SUB1: variants seen among roughly 807,000 people sequenced by gnomAD.
The protein encoded by SUB1 is activated RNA polymerase II transcriptional coactivator p15.
SUB1 carries 1 observed loss-of-function variant against 16.9 expected under a neutral mutation model. The ratio of observed to expected loss-of-function variants is 0.06; its 90% CI spans 0.02 to 0.28. The LOEUF (loss-of-function observed/expected upper bound fraction) is 0.28, where lower values mean the gene tolerates loss of function less well. Among genes scored for constraint, SUB1 ranks in the 10% least tolerant of loss-of-function variants. The pLI, the probability that SUB1 is intolerant of heterozygous loss-of-function variation, is 1.00. For synonymous variants in SUB1, 51 were observed against 46.9 expected (o/e 1.09, Z -0.36); for missense variants, 84 against 145.2 (o/e 0.58, Z 2.16).
At chr5:32,593,046 TC>T (rs1385351172) in intron 3 of SUB1, among the ~76,000 whole-genome samples, 1 of 152,084 alleles carries the variant, frequency 6.6e-6, no homozygotes, top group African/African-American at 2.4e-5. Context: ...GGGTCTCTGC[TC>T]TGTCACCCAG....
At chr5:32,599,371 T>C (rs538590010) in intron 4 of SUB1, among the ~76,000 whole-genome samples, 1 of 152,354 alleles carries the variant, frequency 6.6e-6, no homozygotes, top group Non-Finnish European at 1.5e-5. Flanking sequence ...TTAGGCACTA[T>C]CTGGGAACTT....
At chr5:32,598,027 A>G (rs1739020133) in intron 3 of SUB1, 2 of 152,120 alleles carry the variant, frequency 1.3e-5, no homozygotes, top group Admixed American at 6.6e-5. Context: ...TGCAGATTTC[A>G]GTCCGTGGTA....
In SUB1 at chr5:32,588,597, G is replaced by A. The variant is rs1738734677; in HGVS notation, c.72+13G>A. On this transcript the variant is annotated intron_variant, in intron 2 of 4. Coordinates refer to ENST00000265073, the MANE Select transcript of SUB1 (RefSeq NM_006713.4). ...GGTTGACAAAAAGGTGACTACTGCT[G>A]CACCAAGTCATTTTGGTGATACTCA... 1 of 1,610,476 alleles carries A rather than the reference G, an allele frequency of 6.2e-7. No homozygotes were observed. The highest frequency in any genetic ancestry group is 1.3e-5 in the African/African-American group (1 of 74,838).
chr5:32,591,491 G>T, intron 2 of SUB1, 72 bp from the exon 3 acceptor site: 3 of 1,482,550 alleles, frequency 2.0e-6, no homozygotes. Flanking sequence ...ATCTTAAAAA[G>T]TAATGGGATC....
Position 32,591,580 on chromosome 5 carries a change from A to G in SUB1, c.90A>G (p.Gln30=). 2 of 1,602,834 alleles carry G rather than the reference A, an allele frequency of 1.2e-6. No individual in the cohort carries two copies. Among genetic ancestry groups the G allele is most frequent in the Non-Finnish European group, 1.7e-6 (2 of 1,176,444 alleles). ...EVDKKLKRKK[Q]VAPEKPVKKQ... ...TTTTCTAGTTAAAGAGGAAAAAGCA[A>G]GTTGCTCCAGAAAAACCTGTAAAGA... The change falls in exon 3 of 5, where the codon CAA becomes CAG. Residue 30 remains glutamine (Q), a synonymous_variant. Coordinates refer to ENST00000265073, the MANE Select transcript of SUB1 (RefSeq NM_006713.4).
chr5:32,602,334 A>G lies in SUB1; in HGVS notation c.*1250A>G, dbSNP rs1386965103. ...AGTGAAGAGGAAATAATTCTCTTCTATCTAAATGATATACATATGATATTT... is the reference window on the plus strand; with the variant it reads ...AGTGAAGAGGAAATAATTCTCTTCTGTCTAAATGATATACATATGATATTT... On this transcript the variant is annotated 3_prime_UTR_variant, in exon 5 of 5. Transcript: ENST00000265073. 1.2e-5 allele frequency: 5 copies of G among 407,630 alleles called. No individual in the cohort carries two copies. Among genetic ancestry groups the G allele is most frequent in the African/African-American group, 6.2e-5 (3 of 48,344 alleles). The allele number at this position is 407,630 out of a possible 1,614,324, so 25.3% of individuals were successfully genotyped here.
At chr5:32,585,712 C>T (rs550440317) in intron 1 of SUB1, 87 bp downstream of exon 1, 6 of 152,558 alleles carry the variant, frequency 3.9e-5, no homozygotes, top group African/African-American at 1.4e-4. Flanking sequence ...CTCCACTCCT[C>T]TCGCCGGCAA....
At chr5:32,598,225 T>G (rs535526615) in intron 3 of SUB1, 1 of 152,254 alleles carries the variant, frequency 6.6e-6, no homozygotes, top group Non-Finnish European at 1.5e-5. Flanking sequence ...GCAGTTTTTT[T>G]CTTGTGATGT....
chr5:32,591,447 A>T lies in SUB1; in HGVS notation c.73-116A>T, dbSNP rs1008470525. On this transcript the variant is annotated intron_variant, in intron 2 of 4. Coordinates refer to ENST00000265073, the MANE Select transcript of SUB1 (RefSeq NM_006713.4). ...GTGAAACTTGCTTATGTATATATTTATGATATTTTGGATGTAGTCTTTTGA... is the reference window on the plus strand; with the variant it reads ...GTGAAACTTGCTTATGTATATATTTTTGATATTTTGGATGTAGTCTTTTGA... 31 of 1,349,166 alleles carry T rather than the reference A, an allele frequency of 2.3e-5. No individual in the cohort carries two copies. In the African/African-American group the frequency reaches 4.2e-4, roughly 18 times the overall value. The allele number at this position is 1,349,166 out of a possible 1,614,324, so 83.6% of individuals were successfully genotyped here.
intron 3 of SUB1, among the ~76,000 whole-genome samples, chr5:32,593,454 A>G (rs1226210598): frequency 6.6e-6 from 1 of 152,004 alleles, no homozygotes; most frequent in Non-Finnish European, 1.5e-5. Flanking sequence ...TTGCCTTGTT[A>G]TACTTCTAGG....
chr5:32,598,891 A>G, intron 3 of SUB1, 70 bp from the exon 4 acceptor site: 1 of 1,198,608 alleles, frequency 8.3e-7, no homozygotes, highest in Non-Finnish European at 1.2e-6. Context: ...CAAGTTGTGA[A>G]TATGAATACA....
In SUB1 at chr5:32,588,444, G is replaced by A. The variant is rs1024570887; in HGVS notation, c.-1-68G>A. On this transcript the variant is annotated intron_variant, in intron 1 of 4. Transcript: ENST00000265073. Reference sequence around the variant, plus strand: ...TTGTCCTTGATTTTTTTCTTTGATTGGGGGAGAGCTAAGTTGAAAGTAGTA... The same window carrying A: ...TTGTCCTTGATTTTTTTCTTTGATTAGGGGAGAGCTAAGTTGAAAGTAGTA... The A allele has an allele frequency of 5.1e-6, 7 of 1,379,926 alleles. No homozygotes were observed. The African/African-American group carries it at 7.3e-5, about 14-fold the overall frequency. The allele number at this position is 1,379,926 out of a possible 1,614,324, so 85.5% of individuals were successfully genotyped here.
In SUB1 at chr5:32,602,506, A is replaced by G. The variant is rs1739140321; in HGVS notation, c.*1422A>G. On this transcript the variant is annotated 3_prime_UTR_variant, in exon 5 of 5. Coordinates refer to ENST00000265073, the MANE Select transcript of SUB1 (RefSeq NM_006713.4). ...CTGCTATTAAGGTCTGCCATATTAGAGTTTTGCACTATTTTGCTACCAAGT... is the reference window on the plus strand; with the variant it reads ...CTGCTATTAAGGTCTGCCATATTAGGGTTTTGCACTATTTTGCTACCAAGT... The G allele has an allele frequency of 1.1e-5, 2 of 184,978 alleles. No homozygotes were observed. The highest frequency in any genetic ancestry group is 8.9e-5 in the South Asian group (1 of 11,278). The allele number at this position is 184,978 out of a possible 1,614,324, so 11.5% of individuals were successfully genotyped here. A position where few individuals can be genotyped will look rare whatever the true frequency, so the allele number is the denominator to read the frequency against.
chr5:32,590,493 G>GT (rs1738792066), intron 2 of SUB1, among the ~76,000 whole-genome samples: 1 of 150,286 alleles, frequency 6.7e-6, no homozygotes, highest in African/African-American at 2.4e-5. Context: ...TGTCTACAAT[G>GT]ATTTTTTTTT....
At chr5:32,592,775 G>T (rs1255178027) in intron 3 of SUB1, among the ~76,000 whole-genome samples, 1 of 152,104 alleles carries the variant, frequency 6.6e-6, no homozygotes, top group Non-Finnish European at 1.5e-5. Context: ...GTTCATGTGG[G>T]ATTATCAGCA....
rs1433357901 is a variant in SUB1 at position 32,603,404 on chromosome 5, C to G, written c.*2320C>G. ...TTACAATGCCAAAATGAATTTAATTCCAGTACTCAGGTTTTTCCCTTTAAC... is the reference window on the plus strand; with the variant it reads ...TTACAATGCCAAAATGAATTTAATTGCAGTACTCAGGTTTTTCCCTTTAAC... On this transcript the variant is annotated 3_prime_UTR_variant, in exon 5 of 5. Coordinates refer to ENST00000265073, the MANE Select transcript of SUB1 (RefSeq NM_006713.4). 6.6e-6 allele frequency: 1 copy of G among 151,982 alleles called. No individual in the cohort carries two copies. The highest frequency in any genetic ancestry group is 1.5e-5 in the Non-Finnish European group (1 of 67,976). The allele number at this position is 151,982 out of a possible 1,614,324, so 9.4% of individuals were successfully genotyped here.
rs1410326119 is a variant in SUB1, at chr5:32,601,695, T to A, written c.*611T>A. On this transcript the variant is annotated 3_prime_UTR_variant, in exon 5 of 5. Transcript: ENST00000265073. ...AAATGTTATCTCAATAAGATACTTATATGAGAACTACAATCACCGAATCTA... is the reference window on the plus strand; with the variant it reads ...AAATGTTATCTCAATAAGATACTTAAATGAGAACTACAATCACCGAATCTA... 1 of 153,140 alleles carries A rather than the reference T, an allele frequency of 6.5e-6. No homozygotes were observed. 9.5% of individuals were successfully genotyped at this position (153,140 alleles called of 1,614,324 possible). A position where few individuals can be genotyped will look rare whatever the true frequency, so the allele number is the denominator to read the frequency against.
intron 3 of SUB1, among the ~76,000 whole-genome samples, chr5:32,594,268 T>C (rs1001026553): frequency 6.6e-6 from 1 of 152,178 alleles, no homozygotes; most frequent in East Asian, 1.9e-4. Context: ...CTTTCTTCCA[T>C]AGGGATGTAG....
chr5:32,603,444 T>C lies in SUB1; in HGVS notation c.*2360T>C, dbSNP rs1014150534. ...TTCCCTTTAACAGACTCTATGTGTA[T>C]CAGGGCTTTCTAATGGGTTTTTCCT... On this transcript the variant is annotated 3_prime_UTR_variant, in exon 5 of 5. Coordinates refer to ENST00000265073, the MANE Select transcript of SUB1 (RefSeq NM_006713.4). 2.0e-5 allele frequency: 3 copies of C among 152,172 alleles called. No individual in the cohort carries two copies. Among genetic ancestry groups the C allele is most frequent in the African/African-American group, 7.2e-5 (3 of 41,456 alleles). The allele number at this position is 152,172 out of a possible 1,614,324, so 9.4% of individuals were successfully genotyped here.
Sources: gnomAD v4.1 joint callset for allele counts (sites outside exome capture counted in the v4.1 genomes callset) on GRCh38, gnomAD v4.1.1 for gene constraint, MANE v1.5 for transcripts, NCBI Gene and HGNC (gene_info 2026-07-23, HGNC 2026-07-21) for gene names.